RFX7: variants seen among roughly 807,000 people sequenced by gnomAD.
RFX7 encodes the protein DNA-binding protein RFX7.
A neutral mutation model predicts 111.8 loss-of-function variants in RFX7; 26 were observed. That is an observed-to-expected ratio of 0.23 (90% CI 0.17 to 0.32). The LOEUF (loss-of-function observed/expected upper bound fraction) is 0.32. Ranked by LOEUF, RFX7 falls within the 10% of genes least tolerant of loss-of-function variation. The probability of loss-of-function intolerance (pLI) is 1.00; values close to 1 mark genes in which losing one functional copy is unlikely to be tolerated. For synonymous variants in RFX7, 624 were observed against 624.4 expected (o/e 1.00, Z 0.01); for missense variants, 1,573 against 1,772.9 (o/e 0.89, Z 2.02).
chr15:56,125,961 G>A (rs902140715), intron 5 of RFX7, among the ~76,000 whole-genome samples: 2 of 152,210 alleles, frequency 1.3e-5, no homozygotes, highest in Admixed American at 6.5e-5. Flanking sequence ...TAATTTGGAA[G>A]GAGTCTGTTT....
intron 2 of RFX7, among the ~76,000 whole-genome samples, chr15:56,191,617 A>G (rs1166443827): frequency 6.6e-6 from 1 of 152,172 alleles, no homozygotes; most frequent in Non-Finnish European, 1.5e-5. Flanking sequence ...ATTTCAATTC[A>G]AATTTTGACA....
At position 56,184,228 on chromosome 15, in the gene RFX7, G is replaced by A. The variant is rs1389961583; in HGVS notation, c.162-4925C>T. 4.4e-5 allele frequency among the ~76,000 whole-genome samples: 6 copies of A among 136,550 alleles called. No individual in the cohort carries two copies. In the South Asian group the frequency reaches 9.3e-4, roughly 21 times the overall value. The allele number at this position is 136,550 out of a possible 152,430, so 89.6% of individuals were successfully genotyped here. ...TTTTTTTTTTTTTTTTAGTAGAGAC[G>A]GAGTTTCTCCATGTTGGTCAGGCTG... is the stretch of plus-strand genomic sequence containing the variant. On this transcript the variant is annotated intron_variant, in intron 2 of 9. Transcript: ENST00000559447.
intron 5 of RFX7, among the ~76,000 whole-genome samples, chr15:56,133,347 T>C (rs1391456995): frequency 1.3e-5 from 2 of 152,092 alleles, no homozygotes; most frequent in Non-Finnish European, 2.9e-5. Context: ...AGATTACAAC[T>C]TCATTTTTTT....
At position 56,167,719 on chromosome 15, in the gene RFX7, A is replaced by T. The variant is rs2414463; in HGVS notation, c.195+11551T>A. ...TTTGTCTTTACCAATAAACAGATAA[A>T]TTTTTTCATAGCTTTAAAACTAGAA... On this transcript the variant is annotated intron_variant, in intron 3 of 9. Transcript: ENST00000559447. Among the ~76,000 whole-genome samples the T allele has an allele frequency of 8.5e-4, 129 of 152,224 alleles. 1 individual carries two copies. The highest frequency in any genetic ancestry group is 6.5e-3 in the Admixed American group (99 of 15,296).
intron 2 of RFX7, among the ~76,000 whole-genome samples, chr15:56,229,535 T>C (rs1337837540): frequency 6.6e-6 from 1 of 152,298 alleles, no homozygotes; most frequent in Admixed American, 6.5e-5. Flanking sequence ...AAAGTGCTTG[T>C]TTTGTTTTTA....
At chr15:56,143,073 T>C (rs574099309) in intron 4 of RFX7, among the ~76,000 whole-genome samples, 173 bp from the exon 5 acceptor site, 21 of 152,262 alleles carry the variant, frequency 1.4e-4, no homozygotes, top group African/African-American at 4.8e-4. Context: ...CTGTTTGCTA[T>C]AGCTAGTGTA....
chr15:56,200,133 C>T (rs1385174050), intron 2 of RFX7, among the ~76,000 whole-genome samples: 2 of 152,076 alleles, frequency 1.3e-5, no homozygotes, highest in Admixed American at 6.5e-5. Flanking sequence ...AAGGTCAGTG[C>T]CCTCTAGTGC....
At position 56,094,725 on chromosome 15, in the gene RFX7, G is replaced by A. The variant is rs1368701526; in HGVS notation, c.3003C>T (p.Pro1001=). Residue 1001 remains proline (P), a synonymous_variant, in exon 10 of 10, where the codon CCC becomes CCT. Coordinates refer to ENST00000559447, the MANE Select transcript of RFX7 (RefSeq NM_022841.7). ...DSALGSSRHT[P]IGTPHSNCSS... ...TGCAGTTAGAATGTGGAGTACCAAT[G>A]GGTGTATGTCGGCTACTTCCTAAAG... The A allele has an allele frequency of 1.2e-6, 2 of 1,613,954 alleles. No homozygotes were observed. The highest frequency in any genetic ancestry group is 3.3e-5 in the Admixed American group (2 of 60,004).
At chr15:56,150,052 T>A (rs2042547377) in intron 3 of RFX7, among the ~76,000 whole-genome samples, 1 of 139,420 alleles carries the variant, frequency 7.2e-6, no homozygotes, top group Non-Finnish European at 1.6e-5. Flanking sequence ...GGCGGGGGGG[T>A]CGGCCATTGC....
At position 56,149,078 on chromosome 15, in the gene RFX7, G is replaced by A. The variant is rs554048200; in HGVS notation, c.196-4595C>T. ...AGCCTCAGCGACAGAGCGAGACTCC[G>A]TCTCAAAAAAAAAAAAAAAAAAAAT... On this transcript the variant is annotated intron_variant, in intron 3 of 9. Transcript: ENST00000559447. 9.1e-3 allele frequency among the ~76,000 whole-genome samples: 1,186 copies of A among 130,176 alleles called. 10 individuals are homozygous for A. The highest frequency in any genetic ancestry group is 0.033 in the African/African-American group (1,117 of 33,404). 85.4% of individuals were successfully genotyped at this position (130,176 alleles called of 152,430 possible).
chr15:56,159,255 G>A (rs1013807211), intron 3 of RFX7, among the ~76,000 whole-genome samples: 3 of 152,164 alleles, frequency 2.0e-5, no homozygotes, highest in Non-Finnish European at 4.4e-5. Context: ...TGATGGACAC[G>A]TAGGTCGCTT....
At chr15:56,216,590 T>C (rs1420768575) in intron 2 of RFX7, among the ~76,000 whole-genome samples, 2 of 152,206 alleles carry the variant, frequency 1.3e-5, no homozygotes, top group Non-Finnish European at 2.9e-5. Context: ...CCTATCATAC[T>C]TTAATTTTCT....
chr15:56,135,664 G>C (rs2042290628), intron 5 of RFX7, among the ~76,000 whole-genome samples: 1 of 152,170 alleles, frequency 6.6e-6, no homozygotes, highest in Admixed American at 6.5e-5. Flanking sequence ...CATTGCTTTT[G>C]CTGTTTTAGA....
chr15:56,132,108 C>A (rs1232610706), intron 5 of RFX7, among the ~76,000 whole-genome samples: 1 of 151,838 alleles, frequency 6.6e-6, no homozygotes, highest in Non-Finnish European at 1.5e-5. Context: ...ATGAAAGAAA[C>A]ATGTAAATTA....
chr15:56,095,705 G>A lies in RFX7; in HGVS notation c.2023C>T (p.Pro675Ser), dbSNP rs774401008. The A allele has an allele frequency of 1.2e-6, 2 of 1,613,952 alleles. No homozygotes were observed. Among genetic ancestry groups the A allele is most frequent in the Non-Finnish European group, 1.7e-6 (2 of 1,179,852 alleles). Reference protein sequence around the residue: ...QETQVPPVKKPIVEQLSAATI... With the variant: ...QETQVPPVKKSIVEQLSAATI... The stretch of plus-strand genomic sequence containing the variant: ...GCTGCTGAAAGCTGTTCCACAATTG[G>A]TTTCTTTACAGGAGGCACCTGGGTC... Residue 675 changes from proline (P) to serine (S), a missense_variant, in exon 10 of 10, where the codon CCA becomes TCA. This residue lies in a region of RFX7 where 625 missense variants were observed against 632.2 expected (regional missense o/e 0.99). Transcript: ENST00000559447.
At chr15:56,111,485 C>T (rs1401438525) in intron 5 of RFX7, among the ~76,000 whole-genome samples, 2 of 151,058 alleles carry the variant, frequency 1.3e-5, no homozygotes, top group Non-Finnish European at 3.0e-5. Flanking sequence ...TCCCTAATCT[C>T]AAGTACCCAG....
At position 56,098,506 on chromosome 15, in the gene RFX7, T is replaced by C. The variant is rs1480443331; in HGVS notation, c.812-130A>G. The C allele has an allele frequency of 1.3e-5, 11 of 834,124 alleles. No individual in the cohort carries two copies. The Admixed American group carries it at 2.3e-4, about 18-fold the overall frequency. The allele number at this position is 834,124 out of a possible 1,614,324, so 51.7% of individuals were successfully genotyped here. On this transcript the variant is annotated intron_variant, in intron 8 of 9. Transcript: ENST00000559447. ...CAAAATGGCAAATTTTAACTCACAA[T>C]TTCTTTATGAAGCATTAGACTTCGA...
At chr15:56,231,657 C>T (rs537616069) in intron 2 of RFX7, among the ~76,000 whole-genome samples, 32 of 152,242 alleles carry the variant, frequency 2.1e-4, no homozygotes, top group Admixed American at 3.3e-4. Flanking sequence ...CATGTCCTCA[C>T]ATTTCAAAAC....
Position 56,190,355 on chromosome 15 carries a change from A to C in RFX7, c.162-11052T>G, listed in dbSNP as rs74017488. Among the ~76,000 whole-genome samples, 700 of 152,302 alleles carry C rather than the reference A, an allele frequency of 4.6e-3. 12 individuals are homozygous for C. The highest frequency in any genetic ancestry group is 0.016 in the African/African-American group (683 of 41,544). ...TCTGTACCCTTGGGTATGATTGCTT[A>C]GGCTGAAGGAAATATCACTTCTCAA... On this transcript the variant is annotated intron_variant, in intron 2 of 9. Coordinates refer to ENST00000559447, the MANE Select transcript of RFX7 (RefSeq NM_022841.7).
Sources: gnomAD v4.1 joint callset for allele counts (sites outside exome capture counted in the v4.1 genomes callset) on GRCh38, gnomAD v4.1.1 for gene constraint, gnomAD v4.1.1 regional missense constraint, MANE v1.5 for transcripts, NCBI Gene and HGNC (gene_info 2026-07-23, HGNC 2026-07-21) for gene names.